The following DNAH6 variants were observed in gnomAD, a reference collection of about 807,000 sequenced individuals.
DNAH6 encodes the protein axonemal beta dynein heavy chain 6.
DNAH6 carries 340 observed loss-of-function variants against 491.4 expected under a neutral mutation model. The observed-to-expected ratio is 0.69, with a 90% CI of 0.63 to 0.76. The LOEUF (loss-of-function observed/expected upper bound fraction) is 0.76. Ranked by LOEUF, DNAH6 falls within the 30% of genes least tolerant of loss-of-function variation. DNAH6 has a pLI of 0.00. For missense variants in DNAH6, 4,443 were observed against 4,972.2 expected, an observed-to-expected ratio of 0.89 and a Z score of 3.20; for synonymous variants, 1,603 against 1,686.1, an observed-to-expected ratio of 0.95 and a Z score of 1.21.
At chr2:84,670,680 C>T (rs1692652292) in intron 39 of DNAH6, among the ~76,000 whole-genome samples, 1 of 152,214 alleles carries the variant, frequency 6.6e-6, no homozygotes, top group Admixed American at 6.5e-5. Flanking sequence ...TCATCACCTT[C>T]AACTCAGAAC....
intron 63 of DNAH6, among the ~76,000 whole-genome samples, chr2:84,748,824 A>G (rs943586857): frequency 6.6e-6 from 1 of 152,228 alleles, no homozygotes; most frequent in Non-Finnish European, 1.5e-5. Flanking sequence ...TAATTTATAA[A>G]GAAAAGAAGT....
intron 70 of DNAH6, among the ~76,000 whole-genome samples, chr2:84,799,280 G>A (rs893768041): frequency 1.3e-5 from 2 of 152,186 alleles, no homozygotes; most frequent in African/African-American, 4.8e-5. Context: ...GAGCCACTGC[G>A]CCCAGCCCAC....
At chr2:84,528,876 T>TC in intron 3 of DNAH6, 28 bp from the exon 4 acceptor site, 7 of 1,513,088 alleles carry the variant, frequency 4.6e-6, no homozygotes, top group Non-Finnish European at 6.2e-6. Context: ...AGACTCATTT[T>TC]TTTTTTTCAA....
chr2:84,512,698 GT>G (rs1233569323), upstream of DNAH6, among the ~76,000 whole-genome samples: 2 of 152,122 alleles, frequency 1.3e-5, no homozygotes, highest in African/African-American at 4.8e-5. Context: ...GTGAACATAT[GT>G]TTTAATTGTT....
intron 42 of DNAH6, among the ~76,000 whole-genome samples, chr2:84,682,166 CTG>C (rs759120997): frequency 6.6e-6 from 1 of 152,324 alleles, no homozygotes; most frequent in Non-Finnish European, 1.5e-5. Flanking sequence ...ATACCCAACA[CTG>C]TGCTCAACTG....
chr2:84,658,494 T>A lies in DNAH6; in HGVS notation c.5940+20T>A, dbSNP rs201332820. 1,386 of 1,394,676 alleles carry A rather than the reference T, an allele frequency of 9.9e-4. 1 individual carries two copies. The highest frequency in any genetic ancestry group is 1.2e-3 in the Non-Finnish European group (1,249 of 1,062,348). 86.4% of individuals were successfully genotyped at this position (1,394,676 alleles called of 1,614,324 possible). The stretch of plus-strand genomic sequence containing the variant: ...GCAATGGTATGAAGAGTTTTCTTAT[T>A]GCTATGAAGCTAGAAAAATTAGATT... On this transcript the variant is annotated intron_variant, in intron 36 of 76. Coordinates refer to ENST00000389394, the MANE Select transcript of DNAH6 (RefSeq NM_001370.2).
chr2:84,688,299 T>C lies in DNAH6; in HGVS notation c.7138-140T>C, dbSNP rs184134914. ...ATTGTGAGAAAAATCAAAACCCTAT[T>C]TCTGAGCTCCTATGTAAATTTTATT... On this transcript the variant is annotated intron_variant, in intron 44 of 76. Coordinates refer to ENST00000389394, the MANE Select transcript of DNAH6 (RefSeq NM_001370.2). 3 of 631,952 alleles carry C rather than the reference T, an allele frequency of 4.7e-6. No homozygotes were observed. In the East Asian group the frequency reaches 1.0e-4, roughly 21 times the overall value. 39.1% of individuals were successfully genotyped at this position (631,952 alleles called of 1,614,324 possible). A position where few individuals can be genotyped will look rare whatever the true frequency, so the allele number is the denominator to read the frequency against.
At chr2:84,618,437 T>G (rs1170766785) in intron 23 of DNAH6, among the ~76,000 whole-genome samples, 1 of 152,072 alleles carries the variant, frequency 6.6e-6, no homozygotes, top group Non-Finnish European at 1.5e-5. Flanking sequence ...TCTGAAACCT[T>G]ACTGGAAAGA....
chr2:84,813,285 G>GC (rs1387825106), intron 74 of DNAH6, among the ~76,000 whole-genome samples, 155 bp downstream of exon 74: 4 of 152,200 alleles, frequency 2.6e-5, no homozygotes, highest in Non-Finnish European at 5.9e-5. Flanking sequence ...TTCCTCACTT[G>GC]TGGGGGGCAG....
In DNAH6 at chr2:84,745,106, C is replaced by T; in HGVS notation, c.10369C>T (p.Gln3457Ter). Reference protein sequence around the residue: ...LGSFETYINPQKWEGYSKMKH... With the variant: ...LGSFETYINP ...ATCTTTTGAGACTTATATTAACCCA[C>T]AGAAATGGGAAGGCTATTCTAAAAT... Residue 3457 changes from glutamine to a stop codon, truncating the protein, a stop_gained, in exon 63 of 77, where the codon CAG becomes TAG. Coordinates refer to ENST00000389394, the MANE Select transcript of DNAH6 (RefSeq NM_001370.2). LOFTEE classifies it high-confidence loss of function. 6.5e-7 allele frequency: 1 copy of T among 1,532,332 alleles called. No individual in the cohort carries two copies. The highest frequency in any genetic ancestry group is 1.4e-5 in the African/African-American group (1 of 72,218). The allele number at this position is 1,532,332 out of a possible 1,614,324, so 94.9% of individuals were successfully genotyped here. A position where few individuals can be genotyped will look rare whatever the true frequency, so the allele number is the denominator to read the frequency against.
At chr2:84,586,484 C>A (rs138926848) in intron 15 of DNAH6, among the ~76,000 whole-genome samples, 1 of 152,152 alleles carries the variant, frequency 6.6e-6, no homozygotes, top group Non-Finnish European at 1.5e-5. Context: ...AAGATTTATG[C>A]ATATTGCTAT....
chr2:84,590,498 CAAAAAAAAAA>C (rs35787415), intron 16 of DNAH6, among the ~76,000 whole-genome samples: 1 of 97,940 alleles, frequency 1.0e-5, no homozygotes, highest in Non-Finnish European at 1.9e-5. Flanking sequence ...GGCTCCATTT[CAAAAAAAAAA>C]AAAAAAAAAA....
chr2:84,673,776 T>G (rs1303415566), intron 40 of DNAH6, among the ~76,000 whole-genome samples: 1 of 152,242 alleles, frequency 6.6e-6, no homozygotes, highest in East Asian at 1.9e-4. Context: ...TGCCTCCTTA[T>G]AGTCTAGCTG....
At chr2:84,687,187 G>A (rs1573485854) in intron 44 of DNAH6, among the ~76,000 whole-genome samples, 1 of 152,152 alleles carries the variant, frequency 6.6e-6, no homozygotes, top group South Asian at 2.1e-4. Flanking sequence ...TTTACCCTCT[G>A]GTAAATTTTA....
At chr2:84,784,338 G>A (rs1018784377) in intron 65 of DNAH6, among the ~76,000 whole-genome samples, 1 of 152,110 alleles carries the variant, frequency 6.6e-6, no homozygotes, top group Non-Finnish European at 1.5e-5. Flanking sequence ...CATGCAACTT[G>A]TGTTAAATTG....
chr2:84,779,891 G>A (rs1039035829), intron 64 of DNAH6, among the ~76,000 whole-genome samples: 1 of 152,170 alleles, frequency 6.6e-6, no homozygotes, highest in Admixed American at 6.5e-5. Context: ...CTTTGCTTAT[G>A]AAGCTTAGTC....
At chr2:84,576,808 G>T (rs1682493847) in intron 12 of DNAH6, among the ~76,000 whole-genome samples, 1 of 152,194 alleles carries the variant, frequency 6.6e-6, no homozygotes, top group Admixed American at 6.5e-5. Flanking sequence ...GTGTTGGGAA[G>T]AGAAACAGAG....
intron 37 of DNAH6, among the ~76,000 whole-genome samples, chr2:84,668,670 C>T (rs1692412233): frequency 1.3e-5 from 2 of 152,200 alleles, no homozygotes; most frequent in Non-Finnish European, 2.9e-5. Flanking sequence ...CCTTCTTTCC[C>T]ACCCCATGCC....
At chr2:84,526,061 C>T (rs1206665876) in intron 3 of DNAH6, among the ~76,000 whole-genome samples, 6 of 151,926 alleles carry the variant, frequency 3.9e-5, no homozygotes, top group Non-Finnish European at 4.4e-5. Context: ...TCTTTGAAGA[C>T]CCTGGTGAAG....
Sources: gnomAD v4.1 joint callset for allele counts (sites outside exome capture counted in the v4.1 genomes callset) on GRCh38, gnomAD v4.1.1 for gene constraint, MANE v1.5 for transcripts, NCBI Gene and HGNC (gene_info 2026-07-23, HGNC 2026-07-21) for gene names.